The following CACNA2D3 variants were observed in gnomAD, a reference collection of about 807,000 sequenced individuals.
CACNA2D3 encodes the protein calcium voltage-gated channel auxiliary subunit alpha2delta 3.
Under a neutral mutation model 160.6 loss-of-function variants are expected in CACNA2D3, and 60 were observed. The observed-to-expected ratio is 0.37, with a 90% CI of 0.30 to 0.46. CACNA2D3 has a LOEUF of 0.46. Ranked by LOEUF, CACNA2D3 falls within the 20% of genes least tolerant of loss-of-function variation. CACNA2D3 has a pLI of 1.00. For synonymous variants in CACNA2D3, 558 were observed against 492.9 expected (o/e 1.13, Z -1.75); for missense variants, 1,205 against 1,365.0 (o/e 0.88, Z 1.85).
chr3:54,312,849 C>G (rs1703771434), intron 2 of CACNA2D3, among the ~76,000 whole-genome samples: 2 of 152,196 alleles, frequency 1.3e-5, no homozygotes, highest in South Asian at 2.1e-4. Context: ...GCCTAGACCC[C>G]AGTCCTGGCT....
At chr3:54,333,117 G>C (rs1245922865) in intron 3 of CACNA2D3, among the ~76,000 whole-genome samples, 6 of 152,124 alleles carry the variant, frequency 3.9e-5, no homozygotes, top group Admixed American at 3.9e-4. Flanking sequence ...TTGGAGAGGA[G>C]AGAGCAAGAC....
chr3:54,998,712 G>GC (rs1491249193), intron 31 of CACNA2D3, among the ~76,000 whole-genome samples: 1 of 134,622 alleles, frequency 7.4e-6, no homozygotes, highest in Non-Finnish European at 1.6e-5. Flanking sequence ...GCTAAAGTTG[G>GC]TTTTTGTTTT....
At chr3:54,556,276 A>G (rs1702241034) in intron 5 of CACNA2D3, among the ~76,000 whole-genome samples, 1 of 152,154 alleles carries the variant, frequency 6.6e-6, no homozygotes, top group Non-Finnish European at 1.5e-5. Flanking sequence ...AAACCCAATG[A>G]CCAGTCCTTC....
At chr3:54,361,346 C>T (rs926179179) in intron 3 of CACNA2D3, among the ~76,000 whole-genome samples, 5 of 151,962 alleles carry the variant, frequency 3.3e-5, no homozygotes, top group African/African-American at 1.2e-4. Context: ...GGGCTGTGTC[C>T]CCTAACATTG....
chr3:55,071,385 GT>G (rs1275867672), intron 35 of CACNA2D3, among the ~76,000 whole-genome samples: 1 of 152,156 alleles, frequency 6.6e-6, no homozygotes, highest in East Asian at 1.9e-4. Flanking sequence ...TGTAGGGGGT[GT>G]TTAATTTCTC....
intron 9 of CACNA2D3, among the ~76,000 whole-genome samples, chr3:54,615,492 T>A (rs111487082): frequency 6.6e-6 from 1 of 152,142 alleles, no homozygotes; most frequent in Non-Finnish European, 1.5e-5. Context: ...ACAAAACTTG[T>A]GAGAAAAATA....
At chr3:54,231,842 G>A (rs1162253235) in intron 2 of CACNA2D3, among the ~76,000 whole-genome samples, 3 of 150,812 alleles carry the variant, frequency 2.0e-5, no homozygotes, top group Non-Finnish European at 4.4e-5. Flanking sequence ...TCCAGCAGGT[G>A]CATGGTGAAT....
intron 6 of CACNA2D3, among the ~76,000 whole-genome samples, chr3:54,566,725 G>C (rs141623493): frequency 1.1e-4 from 16 of 152,206 alleles, no homozygotes; most frequent in Non-Finnish European, 2.1e-4. Flanking sequence ...GTACGCAGGG[G>C]AGTTTGTTCC....
rs1701972236 is a variant in CACNA2D3 at position 54,959,073 on chromosome 3, C to T, written c.2450-9377C>T. ...CCATGATCGCGCCACTGCACTCCAGCCTGGGCAACAGAGCAAGATCTTGCA... is the reference window on the plus strand; with the variant it reads ...CCATGATCGCGCCACTGCACTCCAGTCTGGGCAACAGAGCAAGATCTTGCA... On this transcript the variant is annotated intron_variant, in intron 27 of 37. Transcript: ENST00000474759. 2.6e-5 allele frequency among the ~76,000 whole-genome samples: 4 copies of T among 152,190 alleles called. No individual in the cohort carries two copies. The South Asian group carries it at 8.3e-4, about 32-fold the overall frequency.
At chr3:54,154,723 G>A (rs974999866) in intron 2 of CACNA2D3, among the ~76,000 whole-genome samples, 1 of 152,084 alleles carries the variant, frequency 6.6e-6, no homozygotes, top group African/African-American at 2.4e-5. Flanking sequence ...ACCAGATTGT[G>A]AGATAACATG....
At chr3:54,266,861 T>A (rs572199241) in intron 2 of CACNA2D3, among the ~76,000 whole-genome samples, 9 of 152,288 alleles carry the variant, frequency 5.9e-5, no homozygotes, top group African/African-American at 1.9e-4. Context: ...ATATCAGTGG[T>A]TTACAGGAGC....
intron 27 of CACNA2D3, among the ~76,000 whole-genome samples, chr3:54,919,604 G>T (rs914281186): frequency 1.3e-5 from 2 of 151,902 alleles, no homozygotes; most frequent in African/African-American, 4.8e-5. Context: ...GTTGGTCGGG[G>T]GAATTTGGGT....
chr3:54,608,297 T>C (rs1417012408), intron 9 of CACNA2D3, among the ~76,000 whole-genome samples: 2 of 152,234 alleles, frequency 1.3e-5, no homozygotes, highest in Non-Finnish European at 2.9e-5. Context: ...AACTTTCTGA[T>C]ACTAGCTTTG....
In CACNA2D3 at chr3:54,938,698, G is replaced by A. The variant is rs572754485; in HGVS notation, c.2450-29752G>A. Among the ~76,000 whole-genome samples, 5 of 150,920 alleles carry A rather than the reference G, an allele frequency of 3.3e-5. No individual in the cohort carries two copies. In the East Asian group the frequency reaches 9.8e-4, roughly 30 times the overall value. On this transcript the variant is annotated intron_variant, in intron 27 of 37. Coordinates refer to ENST00000474759, the MANE Select transcript of CACNA2D3 (RefSeq NM_018398.3). ...CTGTGACCATGGTAATTTTTCTACA[G>A]TGATAAAAATAAATTTTTATTTTTA...
chr3:54,372,995 G>T (rs758530507), intron 3 of CACNA2D3, among the ~76,000 whole-genome samples: 9 of 152,170 alleles, frequency 5.9e-5, no homozygotes, highest in Non-Finnish European at 4.4e-5. Flanking sequence ...AGCCCCCTGG[G>T]ACTCAGAAGT....
intron 14 of CACNA2D3, among the ~76,000 whole-genome samples, chr3:54,819,152 T>C (rs1165430609): frequency 6.6e-6 from 1 of 152,066 alleles, no homozygotes; most frequent in Non-Finnish European, 1.5e-5. Context: ...TTAGATTTAC[T>C]GTCTTGCTGC....
At chr3:54,710,078 AT>A (rs767449934) in intron 11 of CACNA2D3, among the ~76,000 whole-genome samples, 5 of 152,184 alleles carry the variant, frequency 3.3e-5, no homozygotes, top group Admixed American at 6.5e-5. Context: ...CTAAATATTC[AT>A]TTGTTCATGC....
chr3:54,568,765 G>T (rs1243887970), intron 6 of CACNA2D3, among the ~76,000 whole-genome samples: 1 of 152,190 alleles, frequency 6.6e-6, no homozygotes, highest in South Asian at 2.1e-4. Context: ...AGTGGGAAAT[G>T]TAGGTACAAG....
intron 8 of CACNA2D3, among the ~76,000 whole-genome samples, chr3:54,571,343 T>C (rs1702493590): frequency 6.6e-6 from 1 of 152,156 alleles, no homozygotes; most frequent in Non-Finnish European, 1.5e-5. Context: ...AGGAGGCATG[T>C]TCGACCCCCA....
Sources: allele counts gnomAD v4.1 joint callset (sites outside exome capture counted in the v4.1 genomes callset), GRCh38; gene constraint gnomAD v4.1.1; transcripts MANE v1.5; gene names NCBI Gene and HGNC (gene_info 2026-07-23, HGNC 2026-07-21).